KLF17: variants seen among roughly 807,000 people sequenced by gnomAD.
KLF17 encodes KLF transcription factor 17, also known as Krueppel-like factor 17.
In KLF17, 31 loss-of-function variants were observed where a neutral mutation model predicts 34.2. That is an observed-to-expected ratio of 0.91 (90% CI 0.68 to 1.22). KLF17 has a LOEUF of 1.22. Among genes scored for constraint, KLF17 ranks in the 50% most tolerant of loss-of-function variants. KLF17 has a pLI of 0.00. For missense variants in KLF17, 478 were observed against 505.2 expected, an observed-to-expected ratio of 0.95 and a Z score of 0.52; for synonymous variants, 179 against 186.7, an observed-to-expected ratio of 0.96 and a Z score of 0.34.
At chr1:44,103,695 T>C in the KLF17 span, 12 of 1,593,540 alleles carry the variant, frequency 7.5e-6, no homozygotes, top group Non-Finnish European at 9.5e-6. Flanking sequence ...CTTGGCCGGC[T>C]GGAGGGCGGC....
the KLF17 span, among the ~76,000 whole-genome samples, chr1:44,095,968 G>T: frequency 3.4e-3 from 520 of 152,186 alleles, 2 homozygotes; most frequent in African/African-American, 0.012. Flanking sequence ...TTGAGACAGA[G>T]TCTTGCTCTG....
At chr1:44,086,431 G>A in the KLF17 span, among the ~76,000 whole-genome samples, 22 of 152,168 alleles carry the variant, frequency 1.4e-4, no homozygotes, top group African/African-American at 4.3e-4. Context: ...GCGCCATTGC[G>A]CTCCAGCCTG....
the KLF17 span, among the ~76,000 whole-genome samples, chr1:44,100,093 C>CAA: frequency 1.3e-5 from 2 of 150,330 alleles, no homozygotes; most frequent in African/African-American, 4.9e-5. Context: ...CACACACACA[C>CAA]ACACACACAC....
upstream of KLF17, among the ~76,000 whole-genome samples, chr1:44,118,586 C>T (rs1200541790): frequency 6.6e-6 from 1 of 152,188 alleles, no homozygotes; most frequent in Admixed American, 6.5e-5. Flanking sequence ...TTGGGTGAAA[C>T]AGTTGCTCAG....
the KLF17 span, among the ~76,000 whole-genome samples, chr1:44,096,598 C>T: frequency 2.0e-5 from 3 of 151,858 alleles, no homozygotes; most frequent in Non-Finnish European, 4.4e-5. Flanking sequence ...ACGAGGTTTA[C>T]ACCGTGTTAG....
chr1:44,124,579 C>A lies in KLF17; in HGVS notation c.82-4774C>A, dbSNP rs560342109. 7.3e-5 allele frequency among the ~76,000 whole-genome samples: 11 copies of A among 151,158 alleles called. No individual in the cohort carries two copies. The South Asian group carries it at 2.3e-3, about 32-fold the overall frequency. On this transcript the variant is annotated intron_variant, in intron 1 of 3. Coordinates refer to ENST00000372299, the MANE Select transcript of KLF17 (RefSeq NM_173484.4). ...GCACGATCTCGGCTCACTGCAGGCT[C>A]CGCCCCCGGGGTTCACGCCATTCTC...
intron 1 of KLF17, among the ~76,000 whole-genome samples, chr1:44,119,281 G>T (rs1235909256): frequency 6.6e-6 from 1 of 151,894 alleles, no homozygotes; most frequent in Non-Finnish European, 1.5e-5. Context: ...AACAATGTTC[G>T]CCCAGCAGTA....
chr1:44,101,176 CTCTA>C, the KLF17 span, among the ~76,000 whole-genome samples: 9 of 152,224 alleles, frequency 5.9e-5, no homozygotes, highest in East Asian at 1.2e-3. Context: ...ACCACATTTG[CTCTA>C]TCTACCTACC....
chr1:44,079,477 A>G, the KLF17 span, among the ~76,000 whole-genome samples: 3 of 151,184 alleles, frequency 2.0e-5, no homozygotes, highest in South Asian at 6.3e-4. Flanking sequence ...ATTTTTTGTT[A>G]TTTTTCATAG....
the KLF17 span, among the ~76,000 whole-genome samples, chr1:44,092,269 G>A: frequency 6.6e-6 from 1 of 151,846 alleles, no homozygotes; most frequent in African/African-American, 2.4e-5. Flanking sequence ...TTGAATCCGG[G>A]AGGCTGATGA....
chr1:44,062,781 A>T, the KLF17 span, among the ~76,000 whole-genome samples: 1 of 152,012 alleles, frequency 6.6e-6, no homozygotes, highest in Non-Finnish European at 1.5e-5. Context: ...AACCTCTTAC[A>T]TTGCTGGTGA....
chr1:44,072,920 G>A, the KLF17 span, among the ~76,000 whole-genome samples: 4 of 152,150 alleles, frequency 2.6e-5, no homozygotes, highest in Non-Finnish European at 5.9e-5. Flanking sequence ...GGTGTTTGAA[G>A]GAGGAGGAAG....
At chr1:44,086,414 T>C in the KLF17 span, among the ~76,000 whole-genome samples, 3 of 152,074 alleles carry the variant, frequency 2.0e-5, no homozygotes, top group Non-Finnish European at 4.4e-5. Flanking sequence ...TGCGGTGAGC[T>C]GAGATCGCGC....
At chr1:44,076,346 G>A in the KLF17 span, 1 of 152,240 alleles carries the variant, frequency 6.6e-6, no homozygotes, top group Non-Finnish European at 1.5e-5. Flanking sequence ...TCTCTTGGAA[G>A]CTTGCTGCAA....
the KLF17 span, among the ~76,000 whole-genome samples, chr1:44,058,578 C>T: frequency 7.3e-5 from 11 of 151,412 alleles, no homozygotes; most frequent in African/African-American, 2.2e-4. Flanking sequence ...CGTGAGCCAC[C>T]GTGCCCAGCC....
At chr1:44,050,163 G>A in the KLF17 span, among the ~76,000 whole-genome samples, 1 of 152,318 alleles carries the variant, frequency 6.6e-6, no homozygotes, top group South Asian at 2.1e-4. Flanking sequence ...CAATGTGTGA[G>A]TTCAGCAATG....
At chr1:44,104,505 TG>T in the KLF17 span, 5 of 746,572 alleles carry the variant, frequency 6.7e-6, no homozygotes, top group South Asian at 7.1e-5. Flanking sequence ...CTCCTTCTCC[TG>T]GGTGCGCATG....
At chr1:44,122,124 T>A in intron 1 of KLF17, 2 of 1,343,118 alleles carry the variant, frequency 1.5e-6, no homozygotes, top group South Asian at 2.4e-5. Context: ...AAATCCCGTA[T>A]GACTTTGAAA....
the KLF17 span, among the ~76,000 whole-genome samples, chr1:44,067,307 A>G: frequency 6.6e-6 from 1 of 152,174 alleles, no homozygotes; most frequent in Non-Finnish European, 1.5e-5. Context: ...GTTTAAACAG[A>G]AAGGGATGTA....
Sources: gnomAD v4.1 joint callset for allele counts (sites outside exome capture counted in the v4.1 genomes callset) on GRCh38, gnomAD v4.1.1 for gene constraint, MANE v1.5 for transcripts, NCBI Gene and HGNC (gene_info 2026-07-23, HGNC 2026-07-21) for gene names.